KDM3B: variants seen among roughly 807,000 people sequenced by gnomAD.
The protein encoded by KDM3B is lysine-specific demethylase 3B.
A neutral mutation model predicts 170.0 loss-of-function variants in KDM3B; 10 were observed. That is an observed-to-expected ratio of 0.06 (90% confidence interval 0.04 to 0.10). KDM3B has a LOEUF of 0.10. Among genes scored for constraint, KDM3B ranks in the 10% least tolerant of loss-of-function variants. KDM3B has a pLI of 1.00. For synonymous variants in KDM3B, 831 were observed against 834.8 expected, an observed-to-expected ratio of 1.00 and a Z score of 0.08; for missense variants, 1,394 against 2,195.2, an observed-to-expected ratio of 0.64 and a Z score of 7.29.
Position 138,390,994 on chromosome 5 carries a change from C to G in KDM3B, c.1381-19C>G, listed in dbSNP as rs1762412145. 2.0e-6 allele frequency: 3 copies of G among 1,526,168 alleles called. No homozygotes were observed. Among genetic ancestry groups the G allele is most frequent in the African/African-American group, 1.4e-5 (1 of 71,814 alleles). The allele number at this position is 1,526,168 out of a possible 1,614,324, so 94.5% of individuals were successfully genotyped here. A position where few individuals can be genotyped will look rare whatever the true frequency, so the allele number is the denominator to read the frequency against. Reference sequence around the variant, plus strand: ...TCATGAGAAGCCAGCATCACTAATTCAGGCTATCTTCCTTTCAGAATTCAA... The same window carrying G: ...TCATGAGAAGCCAGCATCACTAATTGAGGCTATCTTCCTTTCAGAATTCAA... On this transcript the variant is annotated intron_variant, in intron 7 of 23. Transcript: ENST00000314358.
intron 3 of KDM3B, among the ~76,000 whole-genome samples, chr5:138,376,556 T>C (rs1055043485): frequency 2.6e-5 from 4 of 151,576 alleles, no homozygotes; most frequent in Non-Finnish European, 5.9e-5. Flanking sequence ...ACAAAAAAAT[T>C]AGCTGGGTGT....
intron 22 of KDM3B, among the ~76,000 whole-genome samples, chr5:138,430,661 C>T (rs940902811): frequency 1.3e-5 from 2 of 152,148 alleles, no homozygotes; most frequent in African/African-American, 2.4e-5. Context: ...GAGGCCGAGG[C>T]GGGTGGATCA....
chr5:138,390,532 A>G (rs1198010218), intron 7 of KDM3B, among the ~76,000 whole-genome samples: 3 of 152,212 alleles, frequency 2.0e-5, no homozygotes, highest in African/African-American at 7.2e-5. Flanking sequence ...GATTAAAGCC[A>G]CTTTTTGTAA....
In KDM3B at chr5:138,429,985, G is replaced by C. The variant is rs368719952; in HGVS notation, c.4893+20G>C. The stretch of plus-strand genomic sequence containing the variant: ...CGAAAGGTACGCCCCTGGGTGGGCT[G>C]TGCTCCCAGCTCACATATCAAGAGT... On this transcript the variant is annotated intron_variant, in intron 21 of 23. Transcript: ENST00000314358. 1.9e-6 allele frequency: 3 copies of C among 1,613,172 alleles called. No individual in the cohort carries two copies. Among genetic ancestry groups the C allele is most frequent in the Non-Finnish European group, 2.5e-6 (3 of 1,179,548 alleles).
chr5:138,423,325 A>G (rs890186776), intron 15 of KDM3B, among the ~76,000 whole-genome samples: 9 of 152,236 alleles, frequency 5.9e-5, no homozygotes, highest in African/African-American at 1.9e-4. Flanking sequence ...TCATACTGCC[A>G]GTTCTTTTTC....
At position 138,390,120 on chromosome 5, in the gene KDM3B, A is replaced by G. The variant is rs186475614; in HGVS notation, c.1381-893A>G. On this transcript the variant is annotated intron_variant, in intron 7 of 23. Transcript: ENST00000314358. ...GTGATCCGCCCATGTCAGCCTCCCAAAGTACTGGGATTACAGGCATGAGCC... is the reference window on the plus strand; with the variant it reads ...GTGATCCGCCCATGTCAGCCTCCCAGAGTACTGGGATTACAGGCATGAGCC... Among the ~76,000 whole-genome samples the G allele has an allele frequency of 6.5e-3, 992 of 152,044 alleles. 10 individuals carry two copies. The highest frequency in any genetic ancestry group is 9.5e-3 in the Non-Finnish European group (644 of 67,992).
chr5:138,368,759 A>G (rs972732361), intron 1 of KDM3B, among the ~76,000 whole-genome samples: 1 of 152,182 alleles, frequency 6.6e-6, no homozygotes, highest in African/African-American at 2.4e-5. Context: ...TGTGTAGTAC[A>G]GGGTTGTTTC....
intron 1 of KDM3B, 33 bp downstream of exon 1, chr5:138,353,020 G>A: frequency 1.6e-6 from 2 of 1,213,494 alleles, no homozygotes; most frequent in Non-Finnish European, 2.0e-6. Flanking sequence ...ACTCGAGGCC[G>A]GGGCTGCGGG....
chr5:138,398,006 A>C, intron 9 of KDM3B, 172 bp from the exon 10 acceptor site: 1 of 558,682 alleles, frequency 1.8e-6, no homozygotes, highest in Non-Finnish European at 3.2e-6. Context: ...ACTAAATGTT[A>C]TGTTAACAAG....
At chr5:138,385,999 CTT>C in intron 6 of KDM3B, 21 bp from the exon 7 acceptor site, 1 of 1,567,230 alleles carries the variant, frequency 6.4e-7, no homozygotes, top group Non-Finnish European at 8.6e-7. Context: ...TCCTTGTAAT[CTT>C]TTTTGAATTT....
chr5:138,423,397 G>A (rs1200292580), intron 15 of KDM3B, among the ~76,000 whole-genome samples: 1 of 152,142 alleles, frequency 6.6e-6, no homozygotes, highest in African/African-American at 2.4e-5. Flanking sequence ...TAGTAATACT[G>A]TAAGCATAGG....
rs747229303 is a variant in KDM3B, at chr5:138,417,316, ACTT to A, written c.3308-161_3308-159del. Among the ~76,000 whole-genome samples the A allele has an allele frequency of 3.9e-5, 6 of 152,322 alleles. No homozygotes were observed. In the East Asian group the frequency reaches 5.8e-4, roughly 15 times the overall value. ...TTTATGTACTTGAGCAAATGGCCTAACTTCTTCTCTCAGCCTCAGTTTGATCAT... is the reference window on the plus strand; with the variant it reads ...TTTATGTACTTGAGCAAATGGCCTAACTTCTCTCAGCCTCAGTTTGATCAT... On this transcript the variant is annotated intron_variant, in intron 12 of 23. Transcript: ENST00000314358.
intron 3 of KDM3B, among the ~76,000 whole-genome samples, chr5:138,376,017 C>T (rs1761990338): frequency 6.6e-6 from 1 of 151,966 alleles, no homozygotes; most frequent in Non-Finnish European, 1.5e-5. Flanking sequence ...GAGAAAGCCA[C>T]CTTGGCTGGC....
chr5:138,353,073 GGGAT>G, intron 1 of KDM3B, 86 bp downstream of exon 1: 4 of 1,008,314 alleles, frequency 4.0e-6, no homozygotes, highest in South Asian at 5.0e-5. Context: ...AGGGGGCGGT[GGGAT>G]GGGGGTGACC....
intron 9 of KDM3B, among the ~76,000 whole-genome samples, chr5:138,397,212 G>A (rs1173773028): frequency 1.3e-5 from 2 of 152,152 alleles, no homozygotes; most frequent in Non-Finnish European, 2.9e-5. Context: ...GCAGGCGCCT[G>A]TAGTTCCAGC....
At chr5:138,429,433 C>G (rs538674205) in intron 20 of KDM3B, among the ~76,000 whole-genome samples, 1 of 152,270 alleles carries the variant, frequency 6.6e-6, no homozygotes, top group East Asian at 1.9e-4. Flanking sequence ...AAAGCCAACC[C>G]TCTTCACTTG....
chr5:138,357,220 C>CA (rs1296716424), intron 1 of KDM3B, among the ~76,000 whole-genome samples: 1 of 150,964 alleles, frequency 6.6e-6, no homozygotes, highest in East Asian at 2.0e-4. Context: ...CTCCTGGGCT[C>CA]AAGCAGTTGC....
intron 11 of KDM3B, among the ~76,000 whole-genome samples, chr5:138,405,142 C>T (rs576775286): frequency 1.3e-4 from 19 of 151,660 alleles, no homozygotes; most frequent in Non-Finnish European, 2.5e-4. Context: ...CTCCCAGGTT[C>T]AAGTGATTCT....
intron 5 of KDM3B, among the ~76,000 whole-genome samples, 181 bp downstream of exon 5, chr5:138,379,889 A>G (rs1368775690): frequency 1.3e-5 from 2 of 152,228 alleles, no homozygotes; most frequent in African/African-American, 4.8e-5. Flanking sequence ...TCTCATCTAT[A>G]AACTAGAAGT....
Sources: allele counts gnomAD v4.1 joint callset (sites outside exome capture counted in the v4.1 genomes callset), GRCh38; gene constraint gnomAD v4.1.1; transcripts MANE v1.5; gene names NCBI Gene and HGNC (gene_info 2026-07-23, HGNC 2026-07-21).